The following KDM4C variants were observed in gnomAD, a reference collection of about 807,000 sequenced individuals.
KDM4C encodes the protein lysine demethylase 4C, also known as lysine-specific demethylase 4C.
A neutral mutation model predicts 129.3 loss-of-function variants in KDM4C; 81 were observed. That is an observed-to-expected ratio of 0.63 (90% CI 0.52 to 0.75). The LOEUF is 0.75. KDM4C is among the 30% of genes least tolerant of loss of function. The pLI, the probability that KDM4C is intolerant of heterozygous loss-of-function variation, is 0.00. For synonymous variants in KDM4C, 573 were observed against 456.1 expected (o/e 1.26, Z -3.26); for missense variants, 1,457 against 1,304.0 (o/e 1.12, Z -1.81).
intron 8 of KDM4C, among the ~76,000 whole-genome samples, chr9:6,932,163 A>C (rs543649681): frequency 5.3e-5 from 8 of 152,300 alleles, no homozygotes; most frequent in African/African-American, 1.7e-4. Context: ...CATGAAAGAG[A>C]AAGTGGCATT....
At chr9:6,832,094 T>C (rs569017033) in intron 4 of KDM4C, among the ~76,000 whole-genome samples, 4 of 152,194 alleles carry the variant, frequency 2.6e-5, no homozygotes, top group Admixed American at 6.5e-5. Flanking sequence ...ATCCCAGCAC[T>C]CTGGGAGTCT....
intron 5 of KDM4C, among the ~76,000 whole-genome samples, chr9:6,857,004 G>T (rs1030383057): frequency 2.0e-5 from 3 of 152,020 alleles, no homozygotes; most frequent in Admixed American, 2.0e-4. Flanking sequence ...TGATCCATCC[G>T]CCTCGGCCTC....
chr9:7,152,427 G>A (rs1842809470), intron 19 of KDM4C, among the ~76,000 whole-genome samples: 1 of 152,156 alleles, frequency 6.6e-6, no homozygotes, highest in Non-Finnish European at 1.5e-5. Flanking sequence ...AAATAGCAAG[G>A]TACAAAATTA....
chr9:6,833,163 T>C (rs1327925746), intron 4 of KDM4C, among the ~76,000 whole-genome samples: 1 of 152,172 alleles, frequency 6.6e-6, no homozygotes, highest in African/African-American at 2.4e-5. Context: ...GGGGGCTTCA[T>C]ATGGTTTGGG....
chr9:6,799,668 A>T (rs1828551051), intron 2 of KDM4C, among the ~76,000 whole-genome samples: 1 of 149,052 alleles, frequency 6.7e-6, no homozygotes, highest in Non-Finnish European at 1.5e-5. Flanking sequence ...TTTACAAAAC[A>T]GAAAAACATT....
chr9:7,055,827 A>C (rs908262634), intron 17 of KDM4C, among the ~76,000 whole-genome samples: 3 of 152,210 alleles, frequency 2.0e-5, no homozygotes, highest in African/African-American at 7.2e-5. Flanking sequence ...TCAGAGTTCT[A>C]TTTAGTTAAT....
At chr9:6,755,034 T>C (rs1027909026), upstream of KDM4C, among the ~76,000 whole-genome samples, 1 of 151,654 alleles carries the variant, frequency 6.6e-6, no homozygotes, top group Non-Finnish European at 1.5e-5. Context: ...GCTCAGGAGT[T>C]TGAGACCCGC....
chr9:7,099,799 T>TG (rs986636210), intron 17 of KDM4C, among the ~76,000 whole-genome samples: 5 of 152,260 alleles, frequency 3.3e-5, no homozygotes, highest in Non-Finnish European at 5.9e-5. Context: ...TAACAGCTTT[T>TG]GGCTGGGTGA....
intron 1 of KDM4C, among the ~76,000 whole-genome samples, chr9:6,748,501 C>G (rs1370123797): frequency 6.7e-6 from 1 of 148,458 alleles, no homozygotes. Context: ...GAGTGAAACT[C>G]CGTCTCAGAA....
chr9:6,784,562 G>GA (rs376986369), intron 1 of KDM4C, among the ~76,000 whole-genome samples: 4 of 151,354 alleles, frequency 2.6e-5, no homozygotes, highest in South Asian at 2.1e-4. Context: ...AAGAAAAGAG[G>GA]AAAAAAAAAT....
intron 8 of KDM4C, among the ~76,000 whole-genome samples, chr9:6,951,240 C>G (rs1330880626): frequency 6.6e-6 from 1 of 152,126 alleles, no homozygotes; most frequent in Non-Finnish European, 1.5e-5. Context: ...TATAGTCATC[C>G]TACAGTGGTA....
intron 8 of KDM4C, among the ~76,000 whole-genome samples, chr9:6,905,297 A>C (rs1453898794): frequency 6.6e-6 from 1 of 152,116 alleles, no homozygotes; most frequent in Non-Finnish European, 1.5e-5. Context: ...ATGAAGAAAC[A>C]CTTCTAAACC....
chr9:6,989,575 A>G (rs2146794), intron 11 of KDM4C, among the ~76,000 whole-genome samples: 21,334 of 152,132 alleles, frequency 0.14, 1,953 homozygotes, highest in South Asian at 0.35. Flanking sequence ...TTAAAAAAAG[A>G]GAATACTTTT....
At chr9:6,949,643 A>G (rs1045711706) in intron 8 of KDM4C, among the ~76,000 whole-genome samples, 5 of 152,212 alleles carry the variant, frequency 3.3e-5, no homozygotes, top group East Asian at 1.9e-4. Context: ...GCTGGAGACC[A>G]GCCCGGCCAA....
intron 8 of KDM4C, among the ~76,000 whole-genome samples, chr9:6,946,980 C>G (rs1589250884): frequency 6.6e-6 from 1 of 152,062 alleles, no homozygotes; most frequent in East Asian, 1.9e-4. Context: ...CTCCTCTGAT[C>G]CCAACTGGTC....
intron 20 of KDM4C, among the ~76,000 whole-genome samples, chr9:7,166,223 G>A (rs1020831959): frequency 5.9e-4 from 90 of 152,182 alleles, no homozygotes; most frequent in African/African-American, 2.1e-3. Flanking sequence ...AACAGCTTGA[G>A]AATGATAAGA....
At chr9:6,962,424 C>G (rs1830190422) in intron 8 of KDM4C, among the ~76,000 whole-genome samples, 1 of 152,166 alleles carries the variant, frequency 6.6e-6, no homozygotes, top group South Asian at 2.1e-4. Flanking sequence ...AGGATAATTG[C>G]AATTTTCAGC....
At chr9:6,741,676 C>CTTTTTTTT (rs71315557) in intron 1 of KDM4C, among the ~76,000 whole-genome samples, 23 of 94,058 alleles carry the variant, frequency 2.4e-4, no homozygotes, top group African/African-American at 6.4e-4. Flanking sequence ...GGTGGCAGCT[C>CTTTTTTTT]TTTTTTTTTT....
intron 20 of KDM4C, among the ~76,000 whole-genome samples, chr9:7,165,641 A>C (rs1844301256): frequency 6.6e-6 from 1 of 152,214 alleles, no homozygotes; most frequent in Non-Finnish European, 1.5e-5. Context: ...GCTGCCTCCC[A>C]CTGTTTCTGT....
Sources: gnomAD v4.1 joint callset for allele counts (sites outside exome capture counted in the v4.1 genomes callset) on GRCh38, gnomAD v4.1.1 for gene constraint, MANE v1.5 for transcripts, NCBI Gene and HGNC (gene_info 2026-07-23, HGNC 2026-07-21) for gene names.